The following HMCN1 variants were observed in gnomAD, a reference collection of about 807,000 sequenced individuals.
The protein encoded by HMCN1 is hemicentin-1.
HMCN1 carries 321 observed loss-of-function variants against 625.9 expected under a neutral mutation model. The observed-to-expected ratio is 0.51, with a 90% CI of 0.47 to 0.56. The LOEUF is 0.56. Among genes scored for constraint, HMCN1 ranks in the 20% least tolerant of loss-of-function variants. The probability of loss-of-function intolerance (pLI) is 0.00; values close to 1 mark genes in which losing one functional copy is unlikely to be tolerated. For synonymous variants in HMCN1, 2,425 were observed against 2,417.6 expected, an observed-to-expected ratio of 1.00 and a Z score of -0.09; for missense variants, 6,588 against 6,887.3, an observed-to-expected ratio of 0.96 and a Z score of 1.54.
At chr1:185,759,259 G>T (rs1571312922) in intron 1 of HMCN1, among the ~76,000 whole-genome samples, 1 of 152,134 alleles carries the variant, frequency 6.6e-6, no homozygotes, top group African/African-American at 2.4e-5. Context: ...GCACAGATGG[G>T]GAGAATTGTG....
intron 12 of HMCN1, 142 bp from the exon 13 acceptor site, chr1:185,963,626 A>T: frequency 1.6e-6 from 1 of 640,404 alleles, no homozygotes; most frequent in East Asian, 2.8e-5. Context: ...TTATAAAATA[A>T]TGATGGTAAC....
At chr1:185,984,419 C>T in intron 19 of HMCN1, 106 bp downstream of exon 19, 1 of 1,080,392 alleles carries the variant, frequency 9.3e-7, no homozygotes, top group Non-Finnish European at 1.4e-6. Flanking sequence ...AGATATCTCT[C>T]TTAATTGTTA....
At chr1:185,769,581 G>A (rs919097487) in intron 1 of HMCN1, among the ~76,000 whole-genome samples, 4 of 152,120 alleles carry the variant, frequency 2.6e-5, no homozygotes, top group Non-Finnish European at 5.9e-5. Context: ...AAATGTATAT[G>A]GGCAACTATA....
chr1:186,129,241 A>G (rs1223221680), intron 83 of HMCN1, among the ~76,000 whole-genome samples: 3 of 151,608 alleles, frequency 2.0e-5, no homozygotes, highest in African/African-American at 7.3e-5. Flanking sequence ...TGCAAGGTAA[A>G]CATACGTATT....
rs1167589782 is a variant in HMCN1, at chr1:186,178,704, C to CT, written c.16233dup (p.Arg5412Ter). ...AACAGCAGAACATCTCTCTCCAGGA[C>CT]TAGAAGGACTATTAGGAAAACTTGC... On this transcript the variant is annotated frameshift_variant, in exon 104 of 107. Transcript: ENST00000271588. LOFTEE classifies it high-confidence loss of function. 6.2e-7 allele frequency: 1 copy of CT among 1,614,122 alleles called. No individual in the cohort carries two copies. Among genetic ancestry groups the CT allele is most frequent in the South Asian group, 1.1e-5 (1 of 91,092 alleles).
chr1:186,095,723 T>C (rs566848611), intron 68 of HMCN1, among the ~76,000 whole-genome samples: 73 of 152,274 alleles, frequency 4.8e-4, no homozygotes, highest in African/African-American at 1.7e-3. Context: ...TTTATCTCTC[T>C]GAAAAGATGA....
intron 36 of HMCN1, among the ~76,000 whole-genome samples, chr1:186,031,142 T>C (rs1312870327): frequency 6.6e-6 from 1 of 152,032 alleles, no homozygotes; most frequent in Non-Finnish European, 1.5e-5. Context: ...TACTGCTTCA[T>C]TTCAACCTGA....
chr1:185,979,612 A>G (rs1651476460), intron 16 of HMCN1, among the ~76,000 whole-genome samples: 1 of 152,142 alleles, frequency 6.6e-6, no homozygotes, highest in South Asian at 2.1e-4. Context: ...CCCAGTTAGA[A>G]CTAATGTATG....
At chr1:185,910,782 G>A (rs997924397) in intron 5 of HMCN1, among the ~76,000 whole-genome samples, 9 of 152,002 alleles carry the variant, frequency 5.9e-5, no homozygotes, top group African/African-American at 2.2e-4. Flanking sequence ...TGTTGGTCAG[G>A]CTGGTTTTGA....
intron 27 of HMCN1, 47 bp from the exon 28 acceptor site, chr1:186,001,547 A>G (rs1464374743): frequency 6.2e-7 from 1 of 1,609,516 alleles, no homozygotes; most frequent in Admixed American, 1.7e-5. Flanking sequence ...TTAATTATGC[A>G]TTTTTATTAG....
At chr1:185,944,588 G>A (rs1336732525) in intron 11 of HMCN1, among the ~76,000 whole-genome samples, 1 of 152,180 alleles carries the variant, frequency 6.6e-6, no homozygotes, top group Non-Finnish European at 1.5e-5. Flanking sequence ...TTTCTCTAGA[G>A]CTTTATAGAA....
intron 55 of HMCN1, among the ~76,000 whole-genome samples, chr1:186,080,893 G>T (rs140327063): frequency 1.3e-5 from 2 of 152,070 alleles, no homozygotes; most frequent in Admixed American, 1.3e-4. Flanking sequence ...AACTCAGAAG[G>T]TATAGTGGGA....
chr1:186,150,445 T>C (rs533771500), intron 93 of HMCN1, among the ~76,000 whole-genome samples: 2 of 152,270 alleles, frequency 1.3e-5, no homozygotes, highest in South Asian at 4.1e-4. Context: ...TTATAATTGT[T>C]TTGCAACCAG....
chr1:186,128,392 T>C, intron 83 of HMCN1, 101 bp downstream of exon 83: 1 of 940,800 alleles, frequency 1.1e-6, no homozygotes, highest in South Asian at 1.4e-5. Flanking sequence ...GTAACAAGAA[T>C]TGATTGCTTT....
rs1345592222 is a variant in HMCN1, at chr1:186,086,226, T to C, written c.8885-20T>C. On this transcript the variant is annotated intron_variant, in intron 57 of 106. Transcript: ENST00000271588. ...TGTTGATAACACCTGCTTTCACTTT[T>C]AATATATTTACTATTATAGTTCCTC... 6 of 1,597,052 alleles carry C rather than the reference T, an allele frequency of 3.8e-6. No homozygotes were observed. The highest frequency in any genetic ancestry group is 1.7e-6 in the Non-Finnish European group (2 of 1,165,120).
At position 185,989,663 on chromosome 1, in the gene HMCN1, G is replaced by A. The variant is rs564697400; in HGVS notation, c.3208+16G>A. The A allele has an allele frequency of 6.2e-7, 1 of 1,613,126 alleles. No individual in the cohort carries two copies. The highest frequency in any genetic ancestry group is 1.7e-5 in the Admixed American group (1 of 59,968). ...ACAGTCTATGGTGAGAGCTGGTGGA[G>A]GAATGGTTTTTATTGACATTGTCTA... On this transcript the variant is annotated intron_variant, in intron 21 of 106. Coordinates refer to ENST00000271588, the MANE Select transcript of HMCN1 (RefSeq NM_031935.3).
At chr1:186,163,602 A>T (rs1479852022) in intron 97 of HMCN1, among the ~76,000 whole-genome samples, 1 of 152,200 alleles carries the variant, frequency 6.6e-6, no homozygotes, top group African/African-American at 2.4e-5. Flanking sequence ...GAAACAGTCC[A>T]ATCAGCCACC....
At chr1:185,988,577 C>G (rs946208332) in intron 20 of HMCN1, among the ~76,000 whole-genome samples, 5 of 152,234 alleles carry the variant, frequency 3.3e-5, no homozygotes, top group Non-Finnish European at 7.3e-5. Flanking sequence ...GATCCCTGAA[C>G]TGCGCAGTAA....
At chr1:186,111,929 G>A (rs1660907420) in intron 71 of HMCN1, among the ~76,000 whole-genome samples, 1 of 152,098 alleles carries the variant, frequency 6.6e-6, no homozygotes, top group Non-Finnish European at 1.5e-5. Context: ...AGCTCATACG[G>A]TAGAGAAATC....
Sources: allele counts gnomAD v4.1 joint callset (sites outside exome capture counted in the v4.1 genomes callset), GRCh38; gene constraint gnomAD v4.1.1; transcripts MANE v1.5; gene names NCBI Gene and HGNC (gene_info 2026-07-23, HGNC 2026-07-21).